Variants in DCAF8L2 observed in about 807,000 individuals in gnomAD.
DCAF8L2 encodes the protein DDB1- and CUL4-associated factor 8-like protein 2.
For synonymous variants in DCAF8L2, 200 were observed against 190.9 expected (o/e 1.05, Z -0.39); for missense variants, 430 against 490.7 (o/e 0.88, Z 1.17).
chrX:27,587,163 C>G (rs1411939205), upstream of DCAF8L2, among the ~76,000 whole-genome samples: 1 of 110,959 alleles, frequency 9.0e-6, no homozygotes, highest in Non-Finnish European at 1.9e-5. Flanking sequence ...TTAATAATAA[C>G]CTGTTCACAT....
At chrX:27,481,937 A>C in the DCAF8L2 span, among the ~76,000 whole-genome samples, 8 of 111,743 alleles carry the variant, frequency 7.2e-5, no homozygotes, top group Middle Eastern at 4.6e-3. Context: ...TGATTTGGAC[A>C]TATTATAGAT....
chrX:27,569,445 C>T, the DCAF8L2 span, among the ~76,000 whole-genome samples: 7 of 111,615 alleles, frequency 6.3e-5, no homozygotes, highest in African/African-American at 2.3e-4. Flanking sequence ...AGGCAAGAAT[C>T]CAGATTTTCA....
chrX:27,652,188 A>G (rs1251639106), intron 2 of DCAF8L2, among the ~76,000 whole-genome samples: 5 of 111,508 alleles, frequency 4.5e-5, no homozygotes, highest in African/African-American at 1.6e-4. Flanking sequence ...AATAAAAGCT[A>G]GCTACTTCCC....
At chrX:27,693,623 T>C (rs753463075) in intron 3 of DCAF8L2, among the ~76,000 whole-genome samples, 1 of 111,482 alleles carries the variant, frequency 9.0e-6, no homozygotes, top group Non-Finnish European at 1.9e-5. Context: ...AATGGGGTCA[T>C]TAATAATCTG....
intron 3 of DCAF8L2, among the ~76,000 whole-genome samples, chrX:27,697,862 AAGAG>A (rs1226861737): frequency 1.8e-5 from 2 of 110,864 alleles, no homozygotes; most frequent in Non-Finnish European, 3.8e-5. Flanking sequence ...GGGAAGAAGA[AAGAG>A]AGAAAGAAAA....
intron 3 of DCAF8L2, among the ~76,000 whole-genome samples, chrX:27,715,702 A>G (rs1419023077): frequency 1.8e-5 from 2 of 111,962 alleles, no homozygotes; most frequent in South Asian, 3.7e-4. Flanking sequence ...GATGCAAAAT[A>G]AAGTGGCCCA....
intron 4 of DCAF8L2, among the ~76,000 whole-genome samples, chrX:27,716,939 T>G (rs757675017): frequency 4.5e-5 from 5 of 111,575 alleles, no homozygotes; most frequent in Admixed American, 3.8e-4. Flanking sequence ...TGTGTCCACG[T>G]GTTCTCATTG....
chrX:27,620,057 A>C (rs2147153324), intron 1 of DCAF8L2, among the ~76,000 whole-genome samples: 1 of 111,670 alleles, frequency 9.0e-6, no homozygotes, highest in East Asian at 2.8e-4. Context: ...TTATTAAAAG[A>C]TGCTAAATTT....
At chrX:27,634,709 G>A (rs764307609) in intron 2 of DCAF8L2, among the ~76,000 whole-genome samples, 499 of 110,902 alleles carry the variant, frequency 4.5e-3, no homozygotes, top group African/African-American at 0.015. Flanking sequence ...CTGACCTCAG[G>A]TGATGGATCA....
At chrX:27,560,769 C>T in the DCAF8L2 span, among the ~76,000 whole-genome samples, 5 of 112,034 alleles carry the variant, frequency 4.5e-5, no homozygotes, top group Admixed American at 2.8e-4. Context: ...TTTTTCTAAA[C>T]GAATATAATT....
upstream of DCAF8L2, among the ~76,000 whole-genome samples, chrX:27,587,985 A>AAAAAATATATATATATATAT: frequency 9.8e-4 from 22 of 22,340 alleles, no homozygotes; most frequent in South Asian, 4.2e-3. Context: ...TAAAAAAAAA[A>AAAAAATATATATATATATAT]ATATATATAT....
chrX:27,696,257 GAAGA>G (rs1185317912), intron 3 of DCAF8L2, among the ~76,000 whole-genome samples: 7 of 86,012 alleles, frequency 8.1e-5, no homozygotes, highest in African/African-American at 2.1e-4. Context: ...AGGAAGGAAG[GAAGA>G]GAGAGAGAGA....
chrX:27,692,639 G>T (rs1299684611), intron 3 of DCAF8L2, among the ~76,000 whole-genome samples: 1 of 111,685 alleles, frequency 9.0e-6, no homozygotes, highest in South Asian at 3.7e-4. Context: ...ATTCTCAAAG[G>T]TTTCATGACT....
the DCAF8L2 span, chrX:27,517,662 A>T: frequency 1.6e-6 from 1 of 622,432 alleles, no homozygotes; most frequent in Non-Finnish European, 2.7e-6. Flanking sequence ...AACTGGTATA[A>T]GTGCTTTGGC....
the DCAF8L2 span, among the ~76,000 whole-genome samples, chrX:27,495,930 A>G: frequency 2.7e-5 from 3 of 111,660 alleles, no homozygotes; most frequent in African/African-American, 6.5e-5. Flanking sequence ...TTTCCTGTGC[A>G]TATTTTCCTG....
intron 1 of DCAF8L2, among the ~76,000 whole-genome samples, chrX:27,622,025 T>TAAAAAAAAAAAAAAAAA (rs1569163104): frequency 9.2e-6 from 1 of 108,946 alleles, no homozygotes; most frequent in African/African-American, 3.4e-5. Context: ...AAGATGTTAG[T>TAAAAAAAAAAAAAAAAA]AAGAATATAT....
At chrX:27,562,836 C>T in the DCAF8L2 span, among the ~76,000 whole-genome samples, 2 of 112,334 alleles carry the variant, frequency 1.8e-5, no homozygotes, top group South Asian at 7.4e-4. Flanking sequence ...GATAGCTAGT[C>T]TGTCTTCTTA....
In DCAF8L2 at chrX:27,729,908, T is replaced by C. The variant is rs147079923; in HGVS notation, c.-59+13737T>C. On this transcript the variant is annotated intron_variant, in intron 4 of 4. Transcript: ENST00000451261. ...ATGAAAAATACTGAGTCCTAAGAAA[T>C]GTATCCATGGGTACTCAAAGTAAGA... 3.2e-3 allele frequency among the ~76,000 whole-genome samples: 362 copies of C among 112,101 alleles called. 1 individual carries two copies. Among genetic ancestry groups the C allele is most frequent in the African/African-American group, 0.011 (330 of 30,858 alleles).
intron 2 of DCAF8L2, among the ~76,000 whole-genome samples, chrX:27,639,380 G>A (rs946902286): frequency 1.8e-5 from 2 of 111,660 alleles, no homozygotes; most frequent in Admixed American, 1.9e-4. Flanking sequence ...TAGCACAACA[G>A]GGCGACTATA....
Sources: allele counts gnomAD v4.1 joint callset (sites outside exome capture counted in the v4.1 genomes callset), GRCh38; gene constraint gnomAD v4.1.1; transcripts MANE v1.5; gene names NCBI Gene and HGNC (gene_info 2026-07-23, HGNC 2026-07-21).